Variants in LYPD6B observed in about 807,000 individuals in gnomAD.
LYPD6B encodes LY6/PLAUR domain containing 6B, also known as ly6/PLAUR domain-containing protein 6B.
In LYPD6B, 17 loss-of-function variants were observed where a neutral mutation model predicts 22.8. The observed-to-expected ratio is 0.75, with a 90% CI of 0.51 to 1.12. The LOEUF is 1.12. Among genes scored for constraint, LYPD6B ranks in the 50% most tolerant of loss-of-function variants. The pLI, the probability that LYPD6B is intolerant of heterozygous loss-of-function variation, is 0.00. For missense variants in LYPD6B, 221 were observed against 258.3 expected, an observed-to-expected ratio of 0.86 and a Z score of 0.99; for synonymous variants, 106 against 91.6, an observed-to-expected ratio of 1.16 and a Z score of -0.90.
At chr2:149,063,333 A>G (rs1324752698) in intron 1 of LYPD6B, among the ~76,000 whole-genome samples, 1 of 152,090 alleles carries the variant, frequency 6.6e-6, no homozygotes, top group Non-Finnish European at 1.5e-5. Context: ...GCCCCATAAC[A>G]CTATTGAATT....
chr2:149,117,119 G>A (rs1687044764), intron 1 of LYPD6B, among the ~76,000 whole-genome samples: 1 of 152,042 alleles, frequency 6.6e-6, no homozygotes, highest in South Asian at 2.1e-4. Flanking sequence ...TTTATGGAGA[G>A]TAGTAACCCT....
At chr2:149,164,780 C>T (rs1479846727) in intron 3 of LYPD6B, among the ~76,000 whole-genome samples, 1 of 152,136 alleles carries the variant, frequency 6.6e-6, no homozygotes, top group Admixed American at 6.5e-5. Context: ...CTTGGAAACA[C>T]CTTGTGATGG....
At position 149,083,041 on chromosome 2, in the gene LYPD6B, C is replaced by T. The variant is rs530916046; in HGVS notation, c.-67+44240C>T. 4.6e-5 allele frequency among the ~76,000 whole-genome samples: 7 copies of T among 152,284 alleles called. No homozygotes were observed. In the South Asian group the frequency reaches 1.0e-3, roughly 23 times the overall value. ...TCCTGCTGTCAGATAATGAAGCCAA[C>T]GCAAAAATCCACGTCTCCAGGCTAA... is the stretch of plus-strand genomic sequence containing the variant. On this transcript the variant is annotated intron_variant, in intron 1 of 6. Transcript: ENST00000409642.
At chr2:149,159,214 G>C (rs974150499) in intron 2 of LYPD6B, among the ~76,000 whole-genome samples, 11 of 151,622 alleles carry the variant, frequency 7.3e-5, no homozygotes, top group Admixed American at 2.6e-4. Context: ...AAATGTGGAT[G>C]ATAAAGGATC....
At chr2:149,205,044 G>C in intron 3 of LYPD6B, 1 of 503,864 alleles carries the variant, frequency 2.0e-6, no homozygotes, top group South Asian at 3.2e-5. Context: ...AGCCCACCTG[G>C]CTAGTGCAGA....
chr2:149,153,163 C>T (rs1689480328), intron 2 of LYPD6B, among the ~76,000 whole-genome samples: 1 of 152,144 alleles, frequency 6.6e-6, no homozygotes, highest in South Asian at 2.1e-4. Context: ...ATTAACAAGG[C>T]ACACGGGTTG....
Position 149,106,645 on chromosome 2 carries a change from G to C in LYPD6B, c.-66-24238G>C, listed in dbSNP as rs566559847. 1.8e-4 allele frequency among the ~76,000 whole-genome samples: 27 copies of C among 152,026 alleles called. No homozygotes were observed. In the East Asian group the frequency reaches 5.2e-3, roughly 29 times the overall value. On this transcript the variant is annotated intron_variant, in intron 1 of 6. Transcript: ENST00000409642. ...GTCAACTGTTTCCTTCCTCCTTTTT[G>C]ATATTGATAATTTGTGTTTTTTTCC...
At chr2:149,207,563 A>T (rs944970239) in intron 4 of LYPD6B, among the ~76,000 whole-genome samples, 14 of 152,096 alleles carry the variant, frequency 9.2e-5, no homozygotes, top group Admixed American at 7.2e-4. Context: ...CTCAGTCCAG[A>T]CTACCAGCAA....
chr2:149,159,215 A>G (rs546113142), intron 2 of LYPD6B, among the ~76,000 whole-genome samples: 2 of 151,742 alleles, frequency 1.3e-5, no homozygotes, highest in Non-Finnish European at 2.9e-5. Context: ...AATGTGGATG[A>G]TAAAGGATCC....
At chr2:149,155,057 T>C (rs1040345429) in intron 2 of LYPD6B, among the ~76,000 whole-genome samples, 1 of 152,222 alleles carries the variant, frequency 6.6e-6, no homozygotes, top group African/African-American at 2.4e-5. Context: ...TGAGATTCTG[T>C]TACAAAGTCA....
At chr2:149,140,113 C>T (rs981376291) in intron 2 of LYPD6B, among the ~76,000 whole-genome samples, 2 of 151,968 alleles carry the variant, frequency 1.3e-5, no homozygotes, top group African/African-American at 4.8e-5. Flanking sequence ...ACGTATATAA[C>T]CTGCTCCCAG....
At chr2:149,159,963 ACCATAGCCTAG>A (rs1689948608) in intron 2 of LYPD6B, among the ~76,000 whole-genome samples, 1 of 152,098 alleles carries the variant, frequency 6.6e-6, no homozygotes, top group East Asian at 1.9e-4. Context: ...ACAGCGGGCC[ACCATAGCCTAG>A]CCAAGTTGAT....
chr2:149,131,089 A>G (rs1575028090), intron 2 of LYPD6B, 136 bp downstream of exon 2: 2 of 651,618 alleles, frequency 3.1e-6, no homozygotes, highest in Non-Finnish European at 2.7e-6. Flanking sequence ...CTCAGGGATT[A>G]TGCTGCTTGT....
chr2:149,100,416 CAAA>C (rs58068035), intron 1 of LYPD6B, among the ~76,000 whole-genome samples: 1,044 of 67,948 alleles, frequency 0.015, 4 homozygotes, highest in African/African-American at 0.053. Flanking sequence ...TTGGCTTTGA[CAAA>C]AAAAAAAAAA....
chr2:149,061,097 G>A (rs1260760236), intron 1 of LYPD6B, among the ~76,000 whole-genome samples: 1 of 152,204 alleles, frequency 6.6e-6, no homozygotes, highest in African/African-American at 2.4e-5. Flanking sequence ...GGTGAGGATG[G>A]TGGTATCTCC....
At chr2:149,076,255 T>G (rs997587070) in intron 1 of LYPD6B, among the ~76,000 whole-genome samples, 6 of 152,220 alleles carry the variant, frequency 3.9e-5, no homozygotes, top group African/African-American at 1.4e-4. Context: ...TATAGCAGCC[T>G]GGACAGACTA....
At chr2:149,068,605 T>C (rs1181106420) in intron 1 of LYPD6B, 2 of 459,408 alleles carry the variant, frequency 4.4e-6, no homozygotes, top group Non-Finnish European at 8.9e-6. Flanking sequence ...ACTAATTCAT[T>C]AGTGGTGGCT....
intron 1 of LYPD6B, among the ~76,000 whole-genome samples, chr2:149,091,750 A>C (rs1400869490): frequency 6.6e-6 from 1 of 152,140 alleles, no homozygotes; most frequent in Non-Finnish European, 1.5e-5. Context: ...CATTTATGAG[A>C]TGTCTCCTGT....
chr2:149,199,430 T>C (rs1244433095), intron 3 of LYPD6B, among the ~76,000 whole-genome samples: 1 of 152,226 alleles, frequency 6.6e-6, no homozygotes, highest in Non-Finnish European at 1.5e-5. Flanking sequence ...TTGGTCCCAA[T>C]AATTTTTGAG....
Sources: gnomAD v4.1 joint callset for allele counts (sites outside exome capture counted in the v4.1 genomes callset) on GRCh38, gnomAD v4.1.1 for gene constraint, MANE v1.5 for transcripts, NCBI Gene and HGNC (gene_info 2026-07-23, HGNC 2026-07-21) for gene names.